Variants in KIF14 observed in about 807,000 individuals in gnomAD.
KIF14 encodes kinesin-like protein KIF14.
In KIF14, 98 loss-of-function variants were observed where a neutral mutation model predicts 176.2. The ratio of observed to expected loss-of-function variants is 0.56; its 90% confidence interval spans 0.47 to 0.66. KIF14 has a LOEUF of 0.66. KIF14 is among the 30% of genes least tolerant of loss of function. The probability of loss-of-function intolerance (pLI) is 0.00; values close to 1 mark genes in which losing one functional copy is unlikely to be tolerated. For synonymous variants in KIF14, 566 were observed against 632.2 expected (o/e 0.90, Z 1.57); for missense variants, 1,751 against 1,920.4 (o/e 0.91, Z 1.65).
chr1:200,613,558 C>T (rs1660261628), intron 4 of KIF14, among the ~76,000 whole-genome samples: 1 of 152,112 alleles, frequency 6.6e-6, no homozygotes, highest in South Asian at 2.1e-4. Flanking sequence ...CTCCACACCC[C>T]TAATCTAGCA....
At chr1:200,568,254 C>T (rs992552378) in intron 23 of KIF14, among the ~76,000 whole-genome samples, 8 of 152,134 alleles carry the variant, frequency 5.3e-5, no homozygotes, top group Non-Finnish European at 1.2e-4. Context: ...TCTCTGACTT[C>T]CCTTAAAATT....
In KIF14 at chr1:200,598,263, A is replaced by C; in HGVS notation, c.2523T>G (p.Ser841=). The C allele has an allele frequency of 6.2e-7, 1 of 1,613,152 alleles. No homozygotes were observed. Among genetic ancestry groups the C allele is most frequent in the South Asian group, 1.1e-5 (1 of 90,830 alleles). The part of the protein sequence containing the change: ...KPNSSHDIQL[S]GVLIADDHCT... The stretch of plus-strand genomic sequence containing the variant: ...AATGATCATCAGCAATCAGCACCCC[A>C]GATAACTGAATATCATGGCTTGAGT... The change falls in exon 14 of 30, where the codon TCT becomes TCG. Residue 841 remains serine, a synonymous_variant. Coordinates refer to ENST00000367350, the MANE Select transcript of KIF14 (RefSeq NM_014875.3).
At chr1:200,582,800 A>G (rs1658533901) in intron 19 of KIF14, among the ~76,000 whole-genome samples, 1 of 151,798 alleles carries the variant, frequency 6.6e-6, no homozygotes, top group Non-Finnish European at 1.5e-5. Context: ...CAGTGAGCTG[A>G]GATTGCGCTA....
At chr1:200,594,459 T>A (rs1659229770) in intron 14 of KIF14, among the ~76,000 whole-genome samples, 2 of 151,906 alleles carry the variant, frequency 1.3e-5, no homozygotes, top group South Asian at 4.1e-4. Flanking sequence ...AGTGTTTTTT[T>A]AATTTTCTAA....
At chr1:200,578,868 G>A (rs1461322381) in intron 21 of KIF14, among the ~76,000 whole-genome samples, 11 of 152,070 alleles carry the variant, frequency 7.2e-5, no homozygotes, top group Admixed American at 7.2e-4. Flanking sequence ...AAGGCGGGTG[G>A]ATCACAAGGT....
chr1:200,614,474 T>C (rs1239814101), intron 3 of KIF14, 69 bp from the exon 4 acceptor site: 5 of 989,210 alleles, frequency 5.1e-6, no homozygotes, highest in Admixed American at 2.1e-5. Context: ...TTTGGGGAAA[T>C]AGGCTGGGAA....
intron 22 of KIF14, among the ~76,000 whole-genome samples, chr1:200,575,178 G>C (rs1332150509): frequency 1.3e-5 from 2 of 151,862 alleles, no homozygotes; most frequent in Non-Finnish European, 2.9e-5. Flanking sequence ...GGATGGTCTC[G>C]ATCTCCTGAC....
chr1:200,581,418 C>A, intron 19 of KIF14, 124 bp from the exon 20 acceptor site: 1 of 462,046 alleles, frequency 2.2e-6, no homozygotes, highest in Non-Finnish European at 3.9e-6. Context: ...CTCTATATTG[C>A]AGAAGGATAA....
chr1:200,615,002 G>A (rs1014853936), intron 3 of KIF14, among the ~76,000 whole-genome samples: 4 of 152,066 alleles, frequency 2.6e-5, no homozygotes, highest in Non-Finnish European at 5.9e-5. Flanking sequence ...TTCCCAAGTA[G>A]CTGAGACTAC....
At chr1:200,589,132 G>T in intron 18 of KIF14, 85 bp downstream of exon 18, 1 of 1,125,470 alleles carries the variant, frequency 8.9e-7, no homozygotes, top group Non-Finnish European at 1.3e-6. Flanking sequence ...GCTCTCTTCT[G>T]TCAACATACC....
intron 28 of KIF14, 72 bp from the exon 29 acceptor site, chr1:200,554,678 A>G (rs184047509): frequency 2.5e-5 from 18 of 733,448 alleles, no homozygotes; most frequent in Middle Eastern, 3.9e-4. Context: ...AGTCAATATG[A>G]TTTTAATTGC....
chr1:200,577,505 T>C (rs2102639332), intron 21 of KIF14, among the ~76,000 whole-genome samples: 1 of 151,868 alleles, frequency 6.6e-6, no homozygotes, highest in African/African-American at 2.4e-5. Context: ...GATATTAAGA[T>C]TGGTTGGTAG....
chr1:200,575,517 C>T (rs1002466596), intron 22 of KIF14, 74 bp downstream of exon 22: 1 of 674,428 alleles, frequency 1.5e-6, no homozygotes, highest in Non-Finnish European at 2.3e-6. Flanking sequence ...ATATGATATA[C>T]AATTTACACA....
Position 200,603,910 on chromosome 1 carries a change from G to C in KIF14, c.1792C>G (p.Arg598Gly). The C allele has an allele frequency of 6.2e-7, 1 of 1,613,520 alleles. No individual in the cohort carries two copies. Among genetic ancestry groups the C allele is most frequent in the Non-Finnish European group, 8.5e-7 (1 of 1,179,558 alleles). The change falls in exon 9 of 30, where the codon CGA becomes GGA. Residue 598 changes from arginine to glycine, a missense_variant. Coordinates refer to ENST00000367350, the MANE Select transcript of KIF14 (RefSeq NM_014875.3). ...CCTGCCAGATCTATTAGGTTAATTC[G>C]ACTTGTTATTCTGTGATCGTGTTCT... ...GEEHDHRITS[R>G]INLIDLAGSE...
chr1:200,603,038 T>C (rs1205204914), intron 10 of KIF14, among the ~76,000 whole-genome samples, 188 bp downstream of exon 10: 1 of 152,212 alleles, frequency 6.6e-6, no homozygotes, highest in Non-Finnish European at 1.5e-5. Flanking sequence ...GAATATTAAG[T>C]AATTTGCCCA....
intron 29 of KIF14, among the ~76,000 whole-genome samples, chr1:200,554,043 G>A (rs940808722): frequency 5.9e-5 from 9 of 152,126 alleles, no homozygotes; most frequent in Non-Finnish European, 1.3e-4. Flanking sequence ...CAGTGAAGTA[G>A]CATTGGGTAG....
intron 22 of KIF14, 99 bp downstream of exon 22, chr1:200,575,492 A>G: frequency 1.9e-6 from 1 of 533,446 alleles, no homozygotes; most frequent in East Asian, 3.3e-5. Context: ...GTTCTTTTAA[A>G]ATAGGAAATA....
chr1:200,571,176 G>T (rs898557314), intron 22 of KIF14, among the ~76,000 whole-genome samples: 1 of 152,010 alleles, frequency 6.6e-6, no homozygotes, highest in African/African-American at 2.4e-5. Context: ...CTAGCCGGGC[G>T]TGGTGGCAGC....
chr1:200,610,082 C>T (rs1660075310), intron 4 of KIF14, among the ~76,000 whole-genome samples: 1 of 151,974 alleles, frequency 6.6e-6, no homozygotes, highest in Non-Finnish European at 1.5e-5. Context: ...TAGAGGGTCC[C>T]CTTTGATGGC....
Sources: allele counts gnomAD v4.1 joint callset (sites outside exome capture counted in the v4.1 genomes callset), GRCh38; gene constraint gnomAD v4.1.1; transcripts MANE v1.5; gene names NCBI Gene and HGNC (gene_info 2026-07-23, HGNC 2026-07-21).